C19orf81: variants seen among roughly 807,000 people sequenced by gnomAD.
The protein encoded by C19orf81 is putative uncharacterized protein C19orf81.
A neutral mutation model predicts 22.1 loss-of-function variants in C19orf81; 19 were observed. The observed-to-expected ratio is 0.86, with a 90% CI of 0.60 to 1.26. The LOEUF is 1.26. Among genes scored for constraint, C19orf81 ranks in the 50% most tolerant of loss-of-function variants. The pLI is 0.00. For synonymous variants in C19orf81, 108 were observed against 113.1 expected, an observed-to-expected ratio of 0.95 and a Z score of 0.29; for missense variants, 287 against 280.7, an observed-to-expected ratio of 1.02 and a Z score of -0.16.
At chr19:50,656,187 C>T (rs1599829466) in intron 2 of C19orf81, 39 bp from the exon 3 acceptor site, 15 of 1,536,124 alleles carry the variant, frequency 9.8e-6, no homozygotes, top group Non-Finnish European at 1.3e-5. Flanking sequence ...GCAGTGAACC[C>T]TGACCTCAGA....
chr19:50,656,164 C>G (rs1416627588), intron 2 of C19orf81, 42 bp downstream of exon 2: 2 of 1,536,136 alleles, frequency 1.3e-6, no homozygotes, highest in Non-Finnish European at 1.7e-6. Context: ...CTTCCGCCTC[C>G]CCAAATGTGA....
intron 1 of C19orf81, among the ~76,000 whole-genome samples, chr19:50,651,554 G>A (rs536536627): frequency 3.9e-5 from 6 of 151,972 alleles, no homozygotes; most frequent in Non-Finnish European, 5.9e-5. Flanking sequence ...GGCACACAGG[G>A]GCCCTCTGAG....
chr19:50,655,978 G>A, intron 1 of C19orf81, 72 bp from the exon 2 acceptor site: 3 of 1,419,838 alleles, frequency 2.1e-6, no homozygotes, highest in Non-Finnish European at 2.9e-6. Context: ...CAAGCAATTG[G>A]TGATGGCCAT....
intron 4 of C19orf81, 64 bp from the exon 5 acceptor site, chr19:50,658,883 C>G: frequency 7.5e-7 from 1 of 1,340,520 alleles, no homozygotes; most frequent in Non-Finnish European, 9.8e-7. Flanking sequence ...AGGGACTCTT[C>G]GACGATCAAA....
At position 50,649,515 on chromosome 19, in the gene C19orf81, C is replaced by T. The variant is rs1170283923; in HGVS notation, c.67+4C>T. 1 of 1,536,174 alleles carries T rather than the reference C, an allele frequency of 6.5e-7. No individual in the cohort carries two copies. Among genetic ancestry groups the T allele is most frequent in the East Asian group, 2.4e-5 (1 of 40,918 alleles). On this transcript the variant is annotated splice_donor_region_variant and intron_variant, in intron 1 of 4. Transcript: ENST00000425202. ...CCCACCATGCACAGGAAGGCAGGTACTGAGCTGTGTCTTTGGGGGAAGGGG... is the reference window on the plus strand; with the variant it reads ...CCCACCATGCACAGGAAGGCAGGTATTGAGCTGTGTCTTTGGGGGAAGGGG...
intron 1 of C19orf81, among the ~76,000 whole-genome samples, chr19:50,652,142 C>G (rs1350668586): frequency 4.6e-5 from 7 of 152,164 alleles, no homozygotes; most frequent in Non-Finnish European, 1.0e-4. Context: ...AACCACCATG[C>G]CCGGCCTATA....
chr19:50,658,328 A>G lies in C19orf81; in HGVS notation c.401+200A>G, dbSNP rs530331163. 1.9e-3 allele frequency among the ~76,000 whole-genome samples: 252 copies of G among 132,194 alleles called. 1 individual carries two copies. The highest frequency in any genetic ancestry group is 7.1e-3 in the African/African-American group (240 of 33,874). 86.7% of individuals were successfully genotyped at this position (132,194 alleles called of 152,430 possible). On this transcript the variant is annotated intron_variant, in intron 4 of 4. Coordinates refer to ENST00000425202, the MANE Select transcript of C19orf81 (RefSeq NM_001195076.2). The stretch of plus-strand genomic sequence containing the variant: ...GGGCGGGCCCCGGAGCCACTAGATA[A>G]GAGCGTGGTTGGTGTAAGGGTGTTG...
intron 4 of C19orf81, chr19:50,658,377 A>C: frequency 1.1e-5 from 2 of 186,822 alleles, no homozygotes; most frequent in Non-Finnish European, 2.0e-5. Context: ...CAGTGGAGTG[A>C]CAGCTTGGGG....
chr19:50,656,778 C>T (rs1985002731), intron 3 of C19orf81, among the ~76,000 whole-genome samples: 1 of 151,934 alleles, frequency 6.6e-6, no homozygotes, highest in Non-Finnish European at 1.5e-5. Flanking sequence ...ATGGTGAAAC[C>T]CCGTCTCTAT....
At chr19:50,654,877 CTT>C (rs1984960482) in intron 1 of C19orf81, among the ~76,000 whole-genome samples, 1 of 152,136 alleles carries the variant, frequency 6.6e-6, no homozygotes, top group East Asian at 1.9e-4. Context: ...GTATTTCTCT[CTT>C]GTGTAATGAA....
intron 2 of C19orf81, 41 bp from the exon 3 acceptor site, chr19:50,656,185 C>CCCTG: frequency 2.0e-6 from 3 of 1,536,112 alleles, no homozygotes; most frequent in Non-Finnish European, 2.6e-6. Context: ...TGGCAGTGAA[C>CCCTG]CCTGACCTCA....
chr19:50,654,560 G>C (rs1401357983), intron 1 of C19orf81, among the ~76,000 whole-genome samples: 14 of 151,540 alleles, frequency 9.2e-5, no homozygotes, highest in Admixed American at 9.2e-4. Flanking sequence ...GCCTCCCAAA[G>C]TGCTGGGATT....
intron 1 of C19orf81, among the ~76,000 whole-genome samples, chr19:50,655,573 C>T (rs1250644818): frequency 4.0e-5 from 6 of 151,504 alleles, no homozygotes; most frequent in Non-Finnish European, 7.4e-5. Flanking sequence ...GGCGTGAACC[C>T]GGGAGGCAGA....
chr19:50,656,191 C>A, intron 2 of C19orf81, 35 bp from the exon 3 acceptor site: 1 of 1,536,144 alleles, frequency 6.5e-7, no homozygotes, highest in Non-Finnish European at 8.7e-7. Context: ...TGAACCCTGA[C>A]CTCAGAGGTC....
At chr19:50,653,568 C>T (rs1984922572) in intron 1 of C19orf81, among the ~76,000 whole-genome samples, 2 of 151,778 alleles carry the variant, frequency 1.3e-5, no homozygotes, top group African/African-American at 4.8e-5. Context: ...TAAGTGTCTA[C>T]CGCACGTGTG....
intron 1 of C19orf81, among the ~76,000 whole-genome samples, chr19:50,654,405 T>G (rs4802722): frequency 0.55 from 82,759 of 151,238 alleles, 25,815 homozygotes; most frequent in Non-Finnish European, 0.68. Context: ...TGGGTTCAAG[T>G]GATTCTTCTG....
chr19:50,655,000 C>G (rs780792833), intron 1 of C19orf81, among the ~76,000 whole-genome samples: 15 of 152,146 alleles, frequency 9.9e-5, no homozygotes, highest in Non-Finnish European at 2.1e-4. Flanking sequence ...TATTGCTAAT[C>G]CACATTCCAG....
intron 3 of C19orf81, 82 bp downstream of exon 3, chr19:50,656,428 G>T (rs747308321): frequency 1.4e-6 from 2 of 1,449,478 alleles, no homozygotes; most frequent in Non-Finnish European, 1.8e-6. Flanking sequence ...AGTGTGGCCA[G>T]AGTTTAAATT....
At position 50,656,308 on chromosome 19, in the gene C19orf81, C is replaced by T; in HGVS notation, c.223C>T (p.Pro75Ser). Reference protein sequence around the residue: ...LPCIRKFPTPPASQPLCLCME... With the variant: ...LPCIRKFPTPSASQPLCLCME... ...GTGCATCCGGAAGTTCCCCACACCA[C>T]CAGCTTCCCAGCCCCTCTGCCTCTG... The change falls in exon 3 of 5, where the codon CCA becomes TCA. Residue 75 changes from proline (P) to serine (S), a missense_variant. Physicochemically the swap from Pro to Ser is moderately conservative, Grantham distance 74 (BLOSUM62 -1). Coordinates refer to ENST00000425202, the MANE Select transcript of C19orf81 (RefSeq NM_001195076.2). The T allele has an allele frequency of 2.0e-6, 3 of 1,536,220 alleles. No individual in the cohort carries two copies. Among genetic ancestry groups the T allele is most frequent in the Non-Finnish European group, 1.7e-6 (2 of 1,146,920 alleles).
Sources: gnomAD v4.1 joint callset for allele counts (sites outside exome capture counted in the v4.1 genomes callset) on GRCh38, gnomAD v4.1.1 for gene constraint, MANE v1.5 for transcripts, NCBI Gene and HGNC (gene_info 2026-07-23, HGNC 2026-07-21) for gene names.